The following RAB26 variants were observed in gnomAD, a reference collection of about 807,000 sequenced individuals.
The protein encoded by RAB26 is ras-related protein Rab-26.
A neutral mutation model predicts 33.1 loss-of-function variants in RAB26; 39 were observed. That is an observed-to-expected ratio of 1.18 (90% CI 0.91 to 1.54). The LOEUF (loss-of-function observed/expected upper bound fraction) is 1.54. Among genes scored for constraint, RAB26 ranks in the 40% most tolerant of loss-of-function variants. The pLI is 0.00. For synonymous variants in RAB26, 192 were observed against 151.9 expected (o/e 1.26, Z -1.94); for missense variants, 468 against 362.9 (o/e 1.29, Z -2.35).
intron 1 of RAB26, 49 bp downstream of exon 1, chr16:2,149,027 C>T: frequency 7.9e-7 from 1 of 1,257,976 alleles, no homozygotes; most frequent in South Asian, 3.1e-5. Context: ...TGGCGCCCGG[C>T]CTGAGCCAAG....
rs1450019493 is a variant in RAB26, at chr16:2,148,646, T to TGATGCC, written c.-136_-131dup. ...CGGGGCGCGAGCCGGGCGCCCGGGA[T>TGATGCC]GATGCCGCCGCCGCCGCCGCCGCCG... On this transcript the variant is annotated 5_prime_UTR_variant, in exon 1 of 9. The change creates a new upstream start codon in the 5' untranslated region. Transcript: ENST00000210187. 19 of 575,176 alleles carry TGATGCC rather than the reference T, an allele frequency of 3.3e-5. No individual in the cohort carries two copies. In the African/African-American group the frequency reaches 3.9e-4, roughly 12 times the overall value. 35.6% of individuals were successfully genotyped at this position (575,176 alleles called of 1,614,324 possible).
Position 2,148,863 on chromosome 16 carries a change from G to GCC in RAB26, c.80_81insCC (p.Pro28HisfsTer71). 7.1e-7 allele frequency: 1 copy of GCC among 1,405,724 alleles called. No individual in the cohort carries two copies. Among genetic ancestry groups the GCC allele is most frequent in the Non-Finnish European group, 9.3e-7 (1 of 1,077,778 alleles). 87.1% of individuals were successfully genotyped at this position (1,405,724 alleles called of 1,614,324 possible). The stretch of plus-strand genomic sequence containing the variant: ...ACGCTGCCCACCGCCAACGGGGCCC[G>GCC]ACCGGCGCGCTCCGGGACTGCGCTT... On this transcript the variant is annotated frameshift_variant, in exon 1 of 9. Coordinates refer to ENST00000210187, the MANE Select transcript of RAB26 (RefSeq NM_014353.5). LOFTEE classifies it high-confidence loss of function.
chr16:2,152,669 G>A (rs1017069278), intron 5 of RAB26, 151 bp from the exon 6 acceptor site: 5 of 636,010 alleles, frequency 7.9e-6, no homozygotes, highest in African/African-American at 2.1e-5. Context: ...CTCCAGCCTG[G>A]GAAACAGGGC....
Position 2,153,484 on chromosome 16 carries a change from C to T in RAB26, c.*63C>T. 6.7e-7 allele frequency: 1 copy of T among 1,486,564 alleles called. No individual in the cohort carries two copies. Among genetic ancestry groups the T allele is most frequent in the Non-Finnish European group, 9.3e-7 (1 of 1,075,864 alleles). 92.1% of individuals were successfully genotyped at this position (1,486,564 alleles called of 1,614,324 possible). A position where few individuals can be genotyped will look rare whatever the true frequency, so the allele number is the denominator to read the frequency against. On this transcript the variant is annotated 3_prime_UTR_variant, in exon 9 of 9. Coordinates refer to ENST00000210187, the MANE Select transcript of RAB26 (RefSeq NM_014353.5). ...GTCCCTAGAAGGCTGGACAGAGGGT[C>T]TCCAGGCCCTTCTGACTTTGTTGCC...
Position 2,153,504 on chromosome 16 carries a change from G to T in RAB26, c.*83G>T. 1 of 1,334,818 alleles carries T rather than the reference G, an allele frequency of 7.5e-7. No individual in the cohort carries two copies. The allele number at this position is 1,334,818 out of a possible 1,614,324, so 82.7% of individuals were successfully genotyped here. A position where few individuals can be genotyped will look rare whatever the true frequency, so the allele number is the denominator to read the frequency against. ...AGGGTCTCCAGGCCCTTCTGACTTT[G>T]TTGCCCAGTGGCCAACGCCCGAGTG... On this transcript the variant is annotated 3_prime_UTR_variant, in exon 9 of 9. Transcript: ENST00000210187.
chr16:2,150,495 C>G (rs1001742059), intron 2 of RAB26, among the ~76,000 whole-genome samples: 1 of 151,066 alleles, frequency 6.6e-6, no homozygotes, highest in African/African-American at 2.4e-5. Flanking sequence ...TGGAATTCCT[C>G]GTGCTGAGGT....
At position 2,153,543 on chromosome 16, in the gene RAB26, GC is replaced by G; in HGVS notation, c.*126del. On this transcript the variant is annotated 3_prime_UTR_variant, in exon 9 of 9. Coordinates refer to ENST00000210187, the MANE Select transcript of RAB26 (RefSeq NM_014353.5). ...AACGCCCGAGTGTCTGTTTTCAGGA[GC>G]CCCAGGTCAAGCCTTGTCCCTTCCT... 2.2e-6 allele frequency: 2 copies of G among 892,372 alleles called. No homozygotes were observed. The highest frequency in any genetic ancestry group is 3.5e-6 in the Non-Finnish European group (2 of 576,708). The allele number at this position is 892,372 out of a possible 1,614,324, so 55.3% of individuals were successfully genotyped here.
In RAB26 at chr16:2,148,876, C is replaced by T. The variant is rs2092995220; in HGVS notation, c.93C>T (p.Ser31=). The T allele has an allele frequency of 7.3e-7, 1 of 1,377,454 alleles. No individual in the cohort carries two copies. The highest frequency in any genetic ancestry group is 9.4e-7 in the Non-Finnish European group (1 of 1,061,924). 85.3% of individuals were successfully genotyped at this position (1,377,454 alleles called of 1,614,324 possible). A position where few individuals can be genotyped will look rare whatever the true frequency, so the allele number is the denominator to read the frequency against. ...CCAACGGGGCCCGACCGGCGCGCTC[C>T]GGGACTGCGCTTTCCGGCCCCGACG... ...PTANGARPAR[S]GTALSGPDAP... Residue 31 remains serine, a synonymous_variant, in exon 1 of 9, where the codon TCC becomes TCT. Transcript: ENST00000210187.
chr16:2,151,652 C>T, intron 3 of RAB26, 42 bp downstream of exon 3: 1 of 1,614,040 alleles, frequency 6.2e-7, no homozygotes, highest in Non-Finnish European at 8.5e-7. Context: ...ACAGGGGACA[C>T]CAGGGAAGGG....
In RAB26 at chr16:2,148,685, G is replaced by C; in HGVS notation, c.-99G>C. 1 of 921,234 alleles carries C rather than the reference G, an allele frequency of 1.1e-6. No homozygotes were observed. Among genetic ancestry groups the C allele is most frequent in the Non-Finnish European group, 1.4e-6 (1 of 729,284 alleles). 57.1% of individuals were successfully genotyped at this position (921,234 alleles called of 1,614,324 possible). A position where few individuals can be genotyped will look rare whatever the true frequency, so the allele number is the denominator to read the frequency against. On this transcript the variant is annotated 5_prime_UTR_variant, in exon 1 of 9. Transcript: ENST00000210187. ...CCGCCGCCGCCGCCGCCGCCGCCAGGGGAAGGGTTCGGGTCCGGGTCGGGC... is the reference window on the plus strand; with the variant it reads ...CCGCCGCCGCCGCCGCCGCCGCCAGCGGAAGGGTTCGGGTCCGGGTCGGGC...
chr16:2,151,363 G>A (rs2141251912), intron 2 of RAB26: 2 of 657,276 alleles, frequency 3.0e-6, no homozygotes, highest in Middle Eastern at 3.9e-4. Context: ...AGCGTAAGAG[G>A]CTCTAAGCAG....
intron 2 of RAB26, 72 bp from the exon 3 acceptor site, chr16:2,151,497 A>G (rs1172461739): frequency 6.2e-7 from 1 of 1,605,834 alleles, no homozygotes; most frequent in African/African-American, 1.3e-5. Flanking sequence ...GGGGACAGGA[A>G]GGCAGTGAAG....
Position 2,148,936 on chromosome 16 carries a change from C to A in RAB26, c.153C>A (p.Pro51=). 1 of 1,298,508 alleles carries A rather than the reference C, an allele frequency of 7.7e-7. No individual in the cohort carries two copies. The allele number at this position is 1,298,508 out of a possible 1,614,324, so 80.4% of individuals were successfully genotyped here. A position where few individuals can be genotyped will look rare whatever the true frequency, so the allele number is the denominator to read the frequency against. The change falls in exon 1 of 9, where the codon CCC becomes CCA. Residue 51 remains proline, a synonymous_variant. Coordinates refer to ENST00000210187, the MANE Select transcript of RAB26 (RefSeq NM_014353.5). ...PPNGPLQPGR[P]SLGGGVDFYD... ...ACGGGCCCTTGCAGCCCGGCCGGCC[C>A]TCGCTTGGCGGCGGTGTCGACTTCT...
Position 2,153,193 on chromosome 16 carries a change from C to T in RAB26, c.639C>T (p.Asn213=), listed in dbSNP as rs200884856. Reference sequence around the variant, plus strand: ...AGACCAGCGCCAAGACGGGCCTCAACGTGGACTTGGCCTTCACAGCCATAG... The same window carrying T: ...AGACCAGCGCCAAGACGGGCCTCAATGTGGACTTGGCCTTCACAGCCATAG... ...FMETSAKTGL[N]VDLAFTAIAK... The change falls in exon 8 of 9, where the codon AAC becomes AAT. Residue 213 remains asparagine (N), a synonymous_variant. Transcript: ENST00000210187. 21 of 1,613,824 alleles carry T rather than the reference C, an allele frequency of 1.3e-5. No homozygotes were observed. Among genetic ancestry groups the T allele is most frequent in the South Asian group, 9.9e-5 (9 of 91,092 alleles).
Position 2,153,520 on chromosome 16 carries a change from C to A in RAB26, c.*99C>A. 5 of 1,102,230 alleles carry A rather than the reference C, an allele frequency of 4.5e-6. No individual in the cohort carries two copies. Among genetic ancestry groups the A allele is most frequent in the Non-Finnish European group, 5.3e-6 (4 of 755,288 alleles). The allele number at this position is 1,102,230 out of a possible 1,614,324, so 68.3% of individuals were successfully genotyped here. A position where few individuals can be genotyped will look rare whatever the true frequency, so the allele number is the denominator to read the frequency against. On this transcript the variant is annotated 3_prime_UTR_variant, in exon 9 of 9. Coordinates refer to ENST00000210187, the MANE Select transcript of RAB26 (RefSeq NM_014353.5). Reference sequence around the variant, plus strand: ...TCTGACTTTGTTGCCCAGTGGCCAACGCCCGAGTGTCTGTTTTCAGGAGCC... The same window carrying A: ...TCTGACTTTGTTGCCCAGTGGCCAAAGCCCGAGTGTCTGTTTTCAGGAGCC...
At chr16:2,151,156 G>A (rs958450407) in intron 2 of RAB26, 3 of 461,058 alleles carry the variant, frequency 6.5e-6, no homozygotes, top group Non-Finnish European at 1.3e-5. Flanking sequence ...CGCCCTGGCT[G>A]GAGTGCAGTG....
intron 5 of RAB26, 131 bp downstream of exon 5, chr16:2,152,039 G>A (rs2093006847): frequency 7.6e-7 from 1 of 1,323,898 alleles, no homozygotes; most frequent in Non-Finnish European, 1.0e-6. Context: ...ACAGCCTTCT[G>A]GGCTGGAGGT....
intron 2 of RAB26, among the ~76,000 whole-genome samples, chr16:2,150,468 C>A (rs1397852984): frequency 1.3e-5 from 2 of 151,520 alleles, no homozygotes; most frequent in Admixed American, 1.3e-4. Context: ...GGAGCGCCCA[C>A]CCCCACCCCC....
intron 1 of RAB26, 22 bp downstream of exon 1, chr16:2,149,000 C>G (rs1393314673): frequency 9.5e-6 from 12 of 1,267,848 alleles, no homozygotes; most frequent in Admixed American, 4.0e-5. Context: ...ACCCGCCCCC[C>G]AGGCCAGCGC....
Sources: allele counts gnomAD v4.1 joint callset (sites outside exome capture counted in the v4.1 genomes callset), GRCh38; gene constraint gnomAD v4.1.1; transcripts MANE v1.5; gene names NCBI Gene and HGNC (gene_info 2026-07-23, HGNC 2026-07-21).